EGLN3: variants seen among roughly 807,000 people sequenced by gnomAD.
EGLN3 encodes prolyl hydroxylase EGLN3.
EGLN3 carries 15 observed loss-of-function variants against 26.0 expected under a neutral mutation model. The observed-to-expected ratio is 0.58, with a 90% CI of 0.39 to 0.89. EGLN3 has a LOEUF of 0.89. EGLN3 is among the 40% of genes least tolerant of loss of function. The probability of loss-of-function intolerance (pLI) is 0.00; values close to 1 mark genes in which losing one functional copy is unlikely to be tolerated. For synonymous variants in EGLN3, 147 were observed against 127.2 expected (o/e 1.16, Z -1.05); for missense variants, 238 against 311.6 (o/e 0.76, Z 1.78).
chr14:33,949,488 C>T (rs559509359), intron 1 of EGLN3: 1 of 152,314 alleles, frequency 6.6e-6, no homozygotes, highest in South Asian at 2.1e-4. Context: ...GCGCAAGTCA[C>T]TCAGAATTGC....
intron 1 of EGLN3, among the ~76,000 whole-genome samples, chr14:33,941,084 T>C (rs1039641655): frequency 6.6e-6 from 1 of 152,190 alleles, no homozygotes; most frequent in Non-Finnish European, 1.5e-5. Flanking sequence ...ATTGTGCCTA[T>C]GTTATAGATG....
chr14:33,944,476 T>C, intron 1 of EGLN3, among the ~76,000 whole-genome samples: 1 of 152,172 alleles, frequency 6.6e-6, no homozygotes, highest in Non-Finnish European at 1.5e-5. Flanking sequence ...CTGCTCAAGA[T>C]ATCATCTCTC....
rs2064435950 is a variant in EGLN3 at position 33,935,608 on chromosome 14, CA to C, written c.358-4394del. On this transcript the variant is annotated intron_variant, in intron 1 of 4. Coordinates refer to ENST00000250457, the MANE Select transcript of EGLN3 (RefSeq NM_022073.4). ...AAATACACACACACACACACACACA[CA>C]CACACACACACATATATATATATAC... Among the ~76,000 whole-genome samples, 4 of 139,110 alleles carry C rather than the reference CA, an allele frequency of 2.9e-5. No individual in the cohort carries two copies. In the South Asian group the frequency reaches 9.0e-4, roughly 31 times the overall value. The allele number at this position is 139,110 out of a possible 152,430, so 91.3% of individuals were successfully genotyped here.
At chr14:33,943,041 G>A (rs1202128844) in intron 1 of EGLN3, among the ~76,000 whole-genome samples, 1 of 152,154 alleles carries the variant, frequency 6.6e-6, no homozygotes, top group African/African-American at 2.4e-5. Flanking sequence ...AGTCACTACA[G>A]ACTCACCAAA....
chr14:33,935,062 G>C (rs181710283), intron 1 of EGLN3, among the ~76,000 whole-genome samples: 1 of 152,282 alleles, frequency 6.6e-6, no homozygotes, highest in East Asian at 1.9e-4. Context: ...ATTAAGCATG[G>C]TCTTGAGCAA....
rs111878089 is a variant in EGLN3, at chr14:33,945,480, G to C, written c.357+4916C>G. Among the ~76,000 whole-genome samples the C allele has an allele frequency of 7.5e-3, 1,138 of 152,332 alleles. 8 individuals are homozygous for C. Among genetic ancestry groups the C allele is most frequent in the African/African-American group, 0.026 (1,091 of 41,568 alleles). Reference sequence around the variant, plus strand: ...CCCAGGCGATGAAAACAGGGATCCAGGAATGTTACTGAAGTCTCTGCTCAT... The same window carrying C: ...CCCAGGCGATGAAAACAGGGATCCACGAATGTTACTGAAGTCTCTGCTCAT... On this transcript the variant is annotated intron_variant, in intron 1 of 4. Coordinates refer to ENST00000250457, the MANE Select transcript of EGLN3 (RefSeq NM_022073.4).
intron 1 of EGLN3, among the ~76,000 whole-genome samples, chr14:33,940,760 T>C (rs2064476951): frequency 1.3e-5 from 2 of 152,002 alleles, no homozygotes; most frequent in Non-Finnish European, 2.9e-5. Flanking sequence ...CACTAGTTAA[T>C]TTGGGGAGCT....
chr14:33,938,798 T>A (rs2138820621), intron 1 of EGLN3, among the ~76,000 whole-genome samples: 2 of 152,346 alleles, frequency 1.3e-5, no homozygotes, highest in Middle Eastern at 3.4e-3. Context: ...ATTTCCTGGT[T>A]ACTGGGAAGG....
intron 2 of EGLN3, among the ~76,000 whole-genome samples, 162 bp downstream of exon 2, chr14:33,930,934 G>C (rs2064398584): frequency 6.6e-6 from 1 of 152,012 alleles, no homozygotes; most frequent in South Asian, 2.1e-4. Flanking sequence ...ACAACTTTAG[G>C]ACTAATTCCA....
chr14:33,929,079 G>A lies in EGLN3; in HGVS notation c.611C>T (p.Thr204Ile), dbSNP rs372349624. 2.5e-6 allele frequency: 4 copies of A among 1,613,394 alleles called. No homozygotes were observed. Among genetic ancestry groups the A allele is most frequent in the Non-Finnish European group, 3.4e-6 (4 of 1,179,922 alleles). The change falls in exon 3 of 5, where the codon ACC (threonine) becomes ATC (isoleucine). Residue 204 changes from threonine (T) to isoleucine (I), a missense_variant. By Grantham distance (89) the Thr-to-Ile change is moderately conservative. Coordinates refer to ENST00000250457, the MANE Select transcript of EGLN3 (RefSeq NM_022073.4). ...NPHEVQPSYATRYAMTVWYFD... is the reference protein window; with the variant it reads ...NPHEVQPSYAIRYAMTVWYFD... ...GAATCATGGCTCCGGCTATTACCTG[G>A]TTGCGTAAGAGGGCTGCACTTCGTG...
intron 3 of EGLN3, among the ~76,000 whole-genome samples, chr14:33,928,269 C>T (rs1322341027): frequency 6.6e-6 from 1 of 152,130 alleles, no homozygotes; most frequent in Non-Finnish European, 1.5e-5. Flanking sequence ...GAGGAGGGCA[C>T]ATGTGATCTT....
At chr14:33,930,991 G>A in intron 2 of EGLN3, 105 bp downstream of exon 2, 1 of 1,462,886 alleles carries the variant, frequency 6.8e-7, no homozygotes, top group Non-Finnish European at 9.3e-7. Flanking sequence ...TTCATCAGTG[G>A]GAGATACGGC....
At chr14:33,940,625 C>T (rs574998540) in intron 1 of EGLN3, among the ~76,000 whole-genome samples, 41 of 152,112 alleles carry the variant, frequency 2.7e-4, no homozygotes, top group Admixed American at 2.0e-3. Flanking sequence ...CTGCATGTTT[C>T]CAGATAATGG....
intron 3 of EGLN3, among the ~76,000 whole-genome samples, chr14:33,928,213 G>C (rs2064375925): frequency 6.6e-6 from 1 of 152,104 alleles, no homozygotes. Flanking sequence ...TTCCGATTTG[G>C]CAGTTAATAT....
Position 33,925,465 on chromosome 14 carries a change from CTGT to C in EGLN3, c.*423_*425del, listed in dbSNP as rs2138806936. ...ATGACACAAATTTCTCTGTTTCCTG[CTGT>C]TAAGGCTTCCGTGATGCCTCTCTGT... On this transcript the variant is annotated 3_prime_UTR_variant, in exon 5 of 5. Transcript: ENST00000250457. 6.1e-6 allele frequency: 1 copy of C among 163,966 alleles called. No individual in the cohort carries two copies. Among genetic ancestry groups the C allele is most frequent in the East Asian group, 1.8e-4 (1 of 5,572 alleles). 10.2% of individuals were successfully genotyped at this position (163,966 alleles called of 1,614,324 possible). A position where few individuals can be genotyped will look rare whatever the true frequency, so the allele number is the denominator to read the frequency against.
At chr14:33,939,483 T>A (rs1251775085) in intron 1 of EGLN3, among the ~76,000 whole-genome samples, 1 of 150,988 alleles carries the variant, frequency 6.6e-6, no homozygotes, top group African/African-American at 2.4e-5. Flanking sequence ...GTGCTGGGAT[T>A]GCAGGCGTGA....
At chr14:33,944,566 T>C (rs1180659293) in intron 1 of EGLN3, among the ~76,000 whole-genome samples, 1 of 152,202 alleles carries the variant, frequency 6.6e-6, no homozygotes, top group African/African-American at 2.4e-5. Context: ...TAAAAACCCA[T>C]ATTATTAACA....
intron 1 of EGLN3, among the ~76,000 whole-genome samples, chr14:33,931,996 A>T (rs548114670): frequency 6.6e-6 from 1 of 152,218 alleles, no homozygotes; most frequent in Non-Finnish European, 1.5e-5. Flanking sequence ...GAGTAAACAG[A>T]CCTCTAATTG....
At position 33,950,802 on chromosome 14, in the gene EGLN3, G is replaced by A. The variant is rs757079751; in HGVS notation, c.-50C>T. On this transcript the variant is annotated 5_prime_UTR_variant, in exon 1 of 5. Coordinates refer to ENST00000250457, the MANE Select transcript of EGLN3 (RefSeq NM_022073.4). ...GATCCCCAGCGTGCAACCAGAGAGG[G>A]AACGATCTACACGAGCGCGAAGCCG... 7.8e-6 allele frequency: 10 copies of A among 1,288,578 alleles called. No homozygotes were observed. Among genetic ancestry groups the A allele is most frequent in the Non-Finnish European group, 8.1e-6 (8 of 988,718 alleles). The allele number at this position is 1,288,578 out of a possible 1,614,324, so 79.8% of individuals were successfully genotyped here. A position where few individuals can be genotyped will look rare whatever the true frequency, so the allele number is the denominator to read the frequency against.
Sources: allele counts gnomAD v4.1 joint callset (sites outside exome capture counted in the v4.1 genomes callset), GRCh38; gene constraint gnomAD v4.1.1; transcripts MANE v1.5; gene names NCBI Gene and HGNC (gene_info 2026-07-23, HGNC 2026-07-21).